CTNNA1: variants seen among roughly 807,000 people sequenced by gnomAD.
The protein encoded by CTNNA1 is catenin alpha-1.
CTNNA1 carries 37 observed loss-of-function variants against 98.4 expected under a neutral mutation model. That is an observed-to-expected ratio of 0.38 (90% CI 0.29 to 0.49). The LOEUF (loss-of-function observed/expected upper bound fraction) is 0.49, where lower values mean the gene tolerates loss of function less well. Ranked by LOEUF, CTNNA1 falls within the 20% of genes least tolerant of loss-of-function variation. The probability of loss-of-function intolerance (pLI) is 0.95; values close to 1 mark genes in which losing one functional copy is unlikely to be tolerated. For synonymous variants in CTNNA1, 404 were observed against 413.2 expected, an observed-to-expected ratio of 0.98 and a Z score of 0.27; for missense variants, 761 against 1,147.2, an observed-to-expected ratio of 0.66 and a Z score of 4.86.
intron 7 of CTNNA1, among the ~76,000 whole-genome samples, chr5:138,837,286 A>C (rs558445763): frequency 4.1e-4 from 62 of 152,276 alleles, no homozygotes; most frequent in Non-Finnish European, 5.9e-4. Flanking sequence ...AGAATTTGGA[A>C]GTGACGTTCG....
rs1356044220 is a variant in CTNNA1 at position 138,929,254 on chromosome 5, G to A, written c.1908G>A (p.Glu636=). 7 of 1,580,862 alleles carry A rather than the reference G, an allele frequency of 4.4e-6. No individual in the cohort carries two copies. Among genetic ancestry groups the A allele is most frequent in the Middle Eastern group, 1.7e-4 (1 of 5,976 alleles). The part of the protein sequence containing the change: ...RKAVLMIRTP[E]ELDDSDFETE... ...CTTTGTCTGGGTGGCAGACCCCTGA[G>A]GAGTTGGATGACTCTGACTTTGAGA... Residue 636 remains glutamate (E), a synonymous_variant, in exon 14 of 18, where the codon GAG becomes GAA. Transcript: ENST00000302763.
chr5:138,908,321 T>TCTAC (rs1759746231), intron 10 of CTNNA1, among the ~76,000 whole-genome samples: 1 of 152,178 alleles, frequency 6.6e-6, no homozygotes, highest in South Asian at 2.1e-4. Context: ...GAAAATCCAT[T>TCTAC]CTACAGTACT....
intron 9 of CTNNA1, among the ~76,000 whole-genome samples, chr5:138,902,553 G>A (rs1256896668): frequency 6.6e-6 from 1 of 152,188 alleles, no homozygotes; most frequent in Non-Finnish European, 1.5e-5. Flanking sequence ...CCGAGTAGCT[G>A]GGACTACAGG....
chr5:138,782,289 G>C (rs1332723459), intron 2 of CTNNA1: 2 of 550,274 alleles, frequency 3.6e-6, no homozygotes, highest in South Asian at 3.1e-5. Context: ...GTGCTTTGCA[G>C]ATACTTCACC....
intron 9 of CTNNA1, among the ~76,000 whole-genome samples, chr5:138,899,318 A>G (rs897371092): frequency 3.3e-5 from 5 of 152,102 alleles, no homozygotes; most frequent in African/African-American, 1.2e-4. Context: ...ATTTTCATTT[A>G]TATTTGCTTC....
At chr5:138,922,878 T>G (rs755103251) in intron 11 of CTNNA1, among the ~76,000 whole-genome samples, 8 of 152,052 alleles carry the variant, frequency 5.3e-5, no homozygotes, top group Non-Finnish European at 1.0e-4. Flanking sequence ...CTTTCCTGGT[T>G]TAGGTTCATC....
rs1765399450 is a variant in CTNNA1, at chr5:138,931,755, A to G, written c.2298+820A>G. ...ACTGTCATCTGAAAATGCAGATCAC[A>G]TGGCTCTGCCCTGCTTCCATGACTA... is the stretch of plus-strand genomic sequence containing the variant. On this transcript the variant is annotated intron_variant, in intron 16 of 17. Coordinates refer to ENST00000302763, the MANE Select transcript of CTNNA1 (RefSeq NM_001903.5). The G allele has an allele frequency of 4.1e-6, 4 of 985,376 alleles. No homozygotes were observed. In the South Asian group the frequency reaches 1.9e-4, roughly 46 times the overall value. 61.0% of individuals were successfully genotyped at this position (985,376 alleles called of 1,614,324 possible).
intron 9 of CTNNA1, among the ~76,000 whole-genome samples, chr5:138,896,406 A>G (rs1756825348): frequency 6.6e-6 from 1 of 152,208 alleles, no homozygotes; most frequent in Non-Finnish European, 1.5e-5. Context: ...TTTACTTAAA[A>G]GCAAATAGCA....
rs780099178 is a variant in CTNNA1 at position 138,917,821 on chromosome 5, A to T, written c.1469A>T (p.Gln490Leu). ...AQENMDLFKE[Q>L]WEKQVRVLTD... ...GAGAACATGGATCTTTTTAAAGAAC[A>T]ATGGGAAAAACAAGTCCGTGTTCTC... Residue 490 changes from glutamine (Q) to leucine (L), a missense_variant, in exon 11 of 18, where the codon CAA becomes CTA. This residue lies in a region of CTNNA1 where 287 missense variants were observed against 436.0 expected (regional missense o/e 0.66). Coordinates refer to ENST00000302763, the MANE Select transcript of CTNNA1 (RefSeq NM_001903.5). The T allele has an allele frequency of 2.1e-5, 34 of 1,614,100 alleles. No individual in the cohort carries two copies. Among genetic ancestry groups the T allele is most frequent in the Non-Finnish European group, 2.8e-5 (33 of 1,180,038 alleles).
chr5:138,819,350 A>T (rs1759780541), intron 5 of CTNNA1, among the ~76,000 whole-genome samples: 1 of 152,170 alleles, frequency 6.6e-6, no homozygotes, highest in African/African-American at 2.4e-5. Context: ...TCTACTCTGC[A>T]AGGAGAGGAG....
chr5:138,838,521 G>A (rs1191444912), intron 7 of CTNNA1, among the ~76,000 whole-genome samples: 3 of 151,718 alleles, frequency 2.0e-5, no homozygotes, highest in African/African-American at 7.3e-5. Context: ...CCAGCTTTGG[G>A]TTTCATTAAT....
chr5:138,917,612 A>T, intron 10 of CTNNA1, 130 bp from the exon 11 acceptor site: 2 of 885,132 alleles, frequency 2.3e-6, no homozygotes, highest in Non-Finnish European at 3.4e-6. Context: ...TTACTGTTTT[A>T]CACTCTTCCC....
intron 12 of CTNNA1, 100 bp from the exon 13 acceptor site, chr5:138,925,156 T>C: frequency 7.5e-7 from 1 of 1,337,378 alleles, no homozygotes; most frequent in Non-Finnish European, 1.0e-6. Flanking sequence ...AGGCTCATCA[T>C]AAGCCTCACC....
intron 3 of CTNNA1, among the ~76,000 whole-genome samples, chr5:138,800,722 G>C (rs1211981141): frequency 6.6e-6 from 1 of 152,092 alleles, no homozygotes; most frequent in East Asian, 1.9e-4. Flanking sequence ...AGAATCACTT[G>C]AACCTGGGAG....
intron 7 of CTNNA1, among the ~76,000 whole-genome samples, chr5:138,865,187 T>TGTCC (rs1764645333): frequency 6.6e-6 from 1 of 152,162 alleles, no homozygotes; most frequent in South Asian, 2.1e-4. Flanking sequence ...GTTTACTGGG[T>TGTCC]GTCCCTTGTG....
At chr5:138,882,476 T>C (rs1250174175) in intron 7 of CTNNA1, among the ~76,000 whole-genome samples, 1 of 152,190 alleles carries the variant, frequency 6.6e-6, no homozygotes, top group Admixed American at 6.5e-5. Context: ...GAAGAGGTTA[T>C]GTGGATCTTT....
At chr5:138,801,415 T>C (rs761422256) in intron 3 of CTNNA1, among the ~76,000 whole-genome samples, 4 of 152,256 alleles carry the variant, frequency 2.6e-5, no homozygotes, top group Non-Finnish European at 4.4e-5. Flanking sequence ...TTTTGGTACT[T>C]CTGGATTACA....
At chr5:138,908,290 AT>A (rs575935171) in intron 10 of CTNNA1, among the ~76,000 whole-genome samples, 49 of 152,304 alleles carry the variant, frequency 3.2e-4, no homozygotes, top group Non-Finnish European at 6.2e-4. Flanking sequence ...CCTATAGCAA[AT>A]TAACTTTTGA....
intron 10 of CTNNA1, among the ~76,000 whole-genome samples, chr5:138,916,350 G>C (rs1761757746): frequency 6.6e-6 from 1 of 151,444 alleles, no homozygotes; most frequent in South Asian, 2.1e-4. Flanking sequence ...TTAAATGGGT[G>C]AATTGTAGAT....
Sources: allele counts gnomAD v4.1 joint callset (sites outside exome capture counted in the v4.1 genomes callset), GRCh38; gene constraint gnomAD v4.1.1; regional missense constraint gnomAD v4.1.1; transcripts MANE v1.5; gene names NCBI Gene and HGNC (gene_info 2026-07-23, HGNC 2026-07-21).